Variants in ZNF160 observed in about 807,000 individuals in gnomAD.
ZNF160 encodes KRAB zinc finger protein KR18.
ZNF160 carries 9 observed loss-of-function variants against 13.1 expected under a neutral mutation model. The observed-to-expected ratio is 0.69, with a 90% confidence interval of 0.41 to 1.20. The LOEUF (loss-of-function observed/expected upper bound fraction) is 1.20. Among genes scored for constraint, ZNF160 ranks in the 50% most tolerant of loss-of-function variants. ZNF160 has a pLI of 0.01. For synonymous variants in ZNF160, 293 were observed against 333.2 expected (o/e 0.88, Z 1.31); for missense variants, 838 against 988.0 (o/e 0.85, Z 2.04).
rs1162760827 is a variant in ZNF160, at chr19:53,069,374, T to C, written c.1160A>G (p.His387Arg). The C allele has an allele frequency of 1.2e-6, 2 of 1,613,970 alleles. No homozygotes were observed. Among genetic ancestry groups the C allele is most frequent in the Non-Finnish European group, 1.7e-6 (2 of 1,179,978 alleles). The part of the protein sequence containing the change: ...LFTQNSHLIS[H>R]WRIHTGEKPY... ...TTTCTCTCCAGTGTGAATTCTCCAA[T>C]GACTTATAAGGTGTGAATTTTGAGT... The change falls in exon 6 of 6, where the codon CAT becomes CGT. Residue 387 changes from histidine (H) to arginine (R), a missense_variant. This residue lies in a region of ZNF160 where 400 missense variants were observed against 538.9 expected (regional missense o/e 0.74). Coordinates refer to ENST00000683776, the MANE Select transcript of ZNF160 (RefSeq NM_001322131.2). This position sits in a 1 kb window ranked among gnomAD's most constrained non-coding sequence, Gnocchi z 4.4.
intron 2 of ZNF160, among the ~76,000 whole-genome samples, chr19:53,089,357 G>A (rs1183318452): frequency 1.3e-5 from 2 of 152,200 alleles, no homozygotes; most frequent in African/African-American, 4.8e-5. Flanking sequence ...TGAGTTTTCT[G>A]TGTGGAGTGT....
chr19:53,075,382 T>A, intron 3 of ZNF160, 199 bp from the exon 4 acceptor site: 1 of 601,004 alleles, frequency 1.7e-6, no homozygotes, highest in Non-Finnish European at 2.9e-6. Context: ...ATCAGTGGAG[T>A]GATAAGTATC....
At chr19:53,073,369 C>T in intron 5 of ZNF160, 1 of 1,598,328 alleles carries the variant, frequency 6.3e-7, no homozygotes. Context: ...TTATCACACA[C>T]CCCCATGAAA....
At position 53,085,735 on chromosome 19, in the gene ZNF160, C is replaced by G; in HGVS notation, c.15+527G>C. On this transcript the variant is annotated intron_variant, in intron 3 of 5. Transcript: ENST00000683776. ...GATGGAATGAAAGAATCATCTATCT[C>G]CAATGTCAGTGTCTAAACTTTCCAT... 2 of 336,406 alleles carry G rather than the reference C, an allele frequency of 5.9e-6. 1 individual carries two copies. Among genetic ancestry groups the G allele is most frequent in the Middle Eastern group, 1.7e-3 (2 of 1,202 alleles). 20.8% of individuals were successfully genotyped at this position (336,406 alleles called of 1,614,324 possible). A position where few individuals can be genotyped will look rare whatever the true frequency, so the allele number is the denominator to read the frequency against.
intron 1 of ZNF160, among the ~76,000 whole-genome samples, chr19:53,102,747 G>A (rs1375425729): frequency 2.0e-5 from 3 of 152,156 alleles, no homozygotes; most frequent in Non-Finnish European, 4.4e-5. Context: ...TTTGTAGTAA[G>A]ATGTCTGCAT....
At chr19:53,089,280 T>C (rs1158718038) in intron 2 of ZNF160, among the ~76,000 whole-genome samples, 2 of 152,300 alleles carry the variant, frequency 1.3e-5, no homozygotes, top group Admixed American at 1.3e-4. Flanking sequence ...GAAGTATAAG[T>C]TCACCCAGTT....
At chr19:53,088,518 T>TA (rs1373269037) in intron 2 of ZNF160, among the ~76,000 whole-genome samples, 57 of 150,078 alleles carry the variant, frequency 3.8e-4, no homozygotes, top group African/African-American at 1.1e-3. Context: ...ATATTTTTAT[T>TA]TAAAAAAAAA....
intron 1 of ZNF160, chr19:53,095,484 T>G (rs2085198718): frequency 6.6e-6 from 1 of 151,850 alleles, no homozygotes; most frequent in Non-Finnish European, 1.5e-5. Context: ...AGTCCCAGCG[T>G]TTCCGCGGGA....
At chr19:53,071,256 A>G (rs1222075948) in intron 5 of ZNF160, among the ~76,000 whole-genome samples, 1 of 151,872 alleles carries the variant, frequency 6.6e-6, no homozygotes, top group Non-Finnish European at 1.5e-5. Flanking sequence ...CTGGATACTC[A>G]AGAGGCTGAG....
In ZNF160 at chr19:53,068,326, A is replaced by G. The variant is rs754283379; in HGVS notation, c.2208T>C (p.Asn736=). ...TTTGAGTAAAGACCTTGCCACATTC[A>G]TTACATTTGTAAGGTTTTTTCCCAG... ...IHTGKKPYKC[N]ECGKVFTQNA... The change falls in exon 6 of 6, where the codon AAT becomes AAC. Residue 736 remains asparagine (N), a synonymous_variant. Transcript: ENST00000683776. 1.2e-6 allele frequency: 2 copies of G among 1,613,990 alleles called. No homozygotes were observed.
At chr19:53,088,631 T>C (rs1201012529) in intron 2 of ZNF160, among the ~76,000 whole-genome samples, 1 of 152,234 alleles carries the variant, frequency 6.6e-6, no homozygotes, top group Non-Finnish European at 1.5e-5. Flanking sequence ...TGAAAGTATT[T>C]TTTTGTCTTA....
intron 5 of ZNF160, chr19:53,073,407 C>T (rs780297863): frequency 1.9e-6 from 3 of 1,598,398 alleles, no homozygotes; most frequent in Non-Finnish European, 2.5e-6. Flanking sequence ...GAAGAAATGG[C>T]CGAGGGACCT....
intron 3 of ZNF160, 66 bp downstream of exon 3, chr19:53,086,196 C>T (rs1434356536): frequency 7.1e-5 from 107 of 1,512,960 alleles, no homozygotes; most frequent in South Asian, 5.6e-4. Flanking sequence ...AGAGAAGATT[C>T]GCAATGCCAA....
At chr19:53,094,670 A>C (rs2085154559) in intron 1 of ZNF160, among the ~76,000 whole-genome samples, 1 of 152,190 alleles carries the variant, frequency 6.6e-6, no homozygotes, top group African/African-American at 2.4e-5. Context: ...CTTTTGCCTT[A>C]AATTGTTTGA....
chr19:53,069,914 A>T lies in ZNF160; in HGVS notation c.620T>A (p.Val207Asp). 6.2e-7 allele frequency: 1 copy of T among 1,614,182 alleles called. No individual in the cohort carries two copies. The highest frequency in any genetic ancestry group is 8.5e-7 in the Non-Finnish European group (1 of 1,180,032). ...GEGKMYECNQ[V>D]EKSTNNGSSV... The stretch of plus-strand genomic sequence containing the variant: ...GGAACCATTGTTGGTAGACTTCTCA[A>T]CTTGATTACATTCATACATTTTCCC... The change falls in exon 6 of 6, where the codon GTT (valine) becomes GAT (aspartate). Residue 207 changes from valine (V) to aspartate (D), a missense_variant. Val to Asp is a radical substitution (Grantham distance 152). Around this residue, in one of 3 missense-constraint regions of ZNF160, gnomAD observed 387 missense variants for 402.3 expected, o/e 0.96. Coordinates refer to ENST00000683776, the MANE Select transcript of ZNF160 (RefSeq NM_001322131.2). The surrounding 1 kb of genome is among the most constrained non-coding windows in gnomAD (Gnocchi z 4.4).
At chr19:53,097,649 T>A (rs1003578939) in intron 1 of ZNF160, among the ~76,000 whole-genome samples, 2 of 152,226 alleles carry the variant, frequency 1.3e-5, no homozygotes, top group Non-Finnish European at 2.9e-5. Flanking sequence ...ATGTCTCTAA[T>A]GATGCAATTA....
intron 1 of ZNF160, among the ~76,000 whole-genome samples, chr19:53,092,832 T>C (rs2085085074): frequency 6.6e-6 from 1 of 152,174 alleles, no homozygotes; most frequent in African/African-American, 2.4e-5. Context: ...AAATAGCATA[T>C]TTCACAACTA....
chr19:53,093,995 A>G (rs2085127742), intron 1 of ZNF160, among the ~76,000 whole-genome samples: 1 of 152,176 alleles, frequency 6.6e-6, no homozygotes, highest in South Asian at 2.1e-4. Context: ...TAAGGAAACA[A>G]GGCATTAGTG....
Position 53,074,150 on chromosome 19 carries a change from G to A in ZNF160, c.261C>T (p.Gly87=), listed in dbSNP as rs753909984. 1.2e-5 allele frequency: 19 copies of A among 1,613,730 alleles called. No individual in the cohort carries two copies. The highest frequency in any genetic ancestry group is 3.3e-5 in the Admixed American group (2 of 59,960). Residue 87 remains glycine (G), a synonymous_variant, in exon 5 of 6, where the codon GGC becomes GGT. Transcript: ENST00000683776. ...RKPRTPECVK[G]VVTDIPPKCT... is the part of the protein sequence containing the mutation. The stretch of plus-strand genomic sequence containing the variant: ...CATCTGAGCTCTTACCTGTGACCAC[G>A]CCTTTGACACATTCCGGCGTTCTTG...
Sources: allele counts gnomAD v4.1 joint callset (sites outside exome capture counted in the v4.1 genomes callset), GRCh38; gene constraint gnomAD v4.1.1; regional missense constraint gnomAD v4.1.1; non-coding constraint Gnocchi (gnomAD v3.1); transcripts MANE v1.5; gene names NCBI Gene and HGNC (gene_info 2026-07-23, HGNC 2026-07-21).